The following PGM5 variants were observed in gnomAD, a reference collection of about 807,000 sequenced individuals.
PGM5 encodes phosphoglucomutase 5.
PGM5 carries 23 observed loss-of-function variants against 59.2 expected under a neutral mutation model. That is an observed-to-expected ratio of 0.39 (90% confidence interval 0.28 to 0.55). The LOEUF (loss-of-function observed/expected upper bound fraction) is 0.55. Among genes scored for constraint, PGM5 ranks in the 20% least tolerant of loss-of-function variants. The pLI is 0.66. For missense variants in PGM5, 574 were observed against 748.3 expected (o/e 0.77, Z 2.72); for synonymous variants, 214 against 286.0 (o/e 0.75, Z 2.54).
intron 9 of PGM5, among the ~76,000 whole-genome samples, chr9:68,485,780 T>G (rs181503034): frequency 6.6e-6 from 1 of 152,328 alleles, no homozygotes; most frequent in Admixed American, 6.5e-5. Flanking sequence ...TTTTTGTTCC[T>G]TTTCCCAGAT....
At position 68,499,310 on chromosome 9, in the gene PGM5, G is replaced by A; in HGVS notation, c.1563G>A (p.Leu521=). 1 of 1,614,158 alleles carries A rather than the reference G, an allele frequency of 6.2e-7. No individual in the cohort carries two copies. Among genetic ancestry groups the A allele is most frequent in the Non-Finnish European group, 8.5e-7 (1 of 1,180,020 alleles). The change falls in exon 10 of 11, where the codon CTG becomes CTA. Residue 521 remains leucine (L), a synonymous_variant. Coordinates refer to ENST00000396396, the MANE Select transcript of PGM5 (RefSeq NM_021965.4). ...GTGGTGTGCGGGCCACCCTCAGACT[G>A]TACGCAGAGAGCTACGAGAGGGATC... ...SSSGVRATLR[L]YAESYERDPS... is the part of the protein sequence containing the mutation.
intron 1 of PGM5, among the ~76,000 whole-genome samples, chr9:68,367,430 G>T (rs1454509343): frequency 6.6e-6 from 1 of 152,148 alleles, no homozygotes; most frequent in Non-Finnish European, 1.5e-5. Context: ...ACCAAGCAGG[G>T]GCTAAGAGAC....
At chr9:68,410,961 G>C (rs369343742) in intron 6 of PGM5, among the ~76,000 whole-genome samples, 9 of 152,322 alleles carry the variant, frequency 5.9e-5, no homozygotes, top group African/African-American at 2.2e-4. Context: ...CTTTGACCTT[G>C]ATGAGATTTC....
intron 1 of PGM5, among the ~76,000 whole-genome samples, chr9:68,376,198 C>T (rs1248901442): frequency 6.6e-6 from 1 of 152,180 alleles, no homozygotes; most frequent in East Asian, 1.9e-4. Flanking sequence ...AAAATGCAAT[C>T]AGGTCACTTC....
intron 7 of PGM5, among the ~76,000 whole-genome samples, chr9:68,470,856 T>C (rs1470463389): frequency 6.6e-6 from 1 of 152,220 alleles, no homozygotes; most frequent in Non-Finnish European, 1.5e-5. Flanking sequence ...GCTGAGTGCA[T>C]GTGTGCATTT....
intron 6 of PGM5, among the ~76,000 whole-genome samples, chr9:68,430,249 G>T (rs1038177824): frequency 1.3e-5 from 2 of 152,176 alleles, no homozygotes; most frequent in East Asian, 3.8e-4. Context: ...TCAGTCCAGC[G>T]TAGAGTGATT....
chr9:68,462,372 G>A (rs1823869286), intron 6 of PGM5, among the ~76,000 whole-genome samples: 1 of 152,140 alleles, frequency 6.6e-6, no homozygotes, highest in South Asian at 2.1e-4. Context: ...CTGTGTTTGG[G>A]ATGAATCCCA....
intron 6 of PGM5, among the ~76,000 whole-genome samples, chr9:68,404,025 C>T (rs1246010237): frequency 2.0e-5 from 3 of 152,170 alleles, no homozygotes; most frequent in Non-Finnish European, 1.5e-5. Context: ...AGATCATCAG[C>T]AGCAGCTGCA....
At position 68,387,582 on chromosome 9, in the gene PGM5, C is replaced by G. The variant is rs2132005772; in HGVS notation, c.691C>G (p.His231Asp). 6.2e-7 allele frequency: 1 copy of G among 1,611,826 alleles called. No homozygotes were observed. Among genetic ancestry groups the G allele is most frequent in the Non-Finnish European group, 8.5e-7 (1 of 1,178,418 alleles). ...ACTGAAGATTCGCATTGACGCAATG[C>G]ACGGAGGTAAGCTTGTGATTTTCTC... ...SQLKIRIDAMHGVMGPYVRKV... is the reference protein window; with the variant it reads ...SQLKIRIDAMDGVMGPYVRKV... Residue 231 changes from histidine (H) to aspartate (D), a missense_variant, in exon 4 of 11, where the codon CAC becomes GAC. Physicochemically the swap from His to Asp is moderately conservative, Grantham distance 81. This residue lies in a region of PGM5 where 103 missense variants were observed against 112.4 expected (regional missense o/e 0.92). Transcript: ENST00000396396.
intron 7 of PGM5, among the ~76,000 whole-genome samples, chr9:68,472,631 C>T (rs537349969): frequency 1.3e-5 from 2 of 152,320 alleles, no homozygotes; most frequent in Non-Finnish European, 2.9e-5. Flanking sequence ...GAATTATATG[C>T]ACTACATACT....
chr9:68,376,205 C>A (rs1352323645), intron 1 of PGM5, among the ~76,000 whole-genome samples: 1 of 152,178 alleles, frequency 6.6e-6, no homozygotes, highest in Non-Finnish European at 1.5e-5. Context: ...AATCAGGTCA[C>A]TTCCACTGTT....
intron 9 of PGM5, among the ~76,000 whole-genome samples, chr9:68,490,044 T>C (rs1400163516): frequency 1.3e-5 from 2 of 152,244 alleles, no homozygotes; most frequent in African/African-American, 4.8e-5. Flanking sequence ...TCTTTTAGCG[T>C]TGTTATTTTA....
intron 10 of PGM5, among the ~76,000 whole-genome samples, chr9:68,500,374 C>T (rs1824551315): frequency 6.6e-6 from 1 of 151,766 alleles, no homozygotes; most frequent in Admixed American, 6.6e-5. Context: ...ATAATGGGTG[C>T]TACAGATCCT....
At chr9:68,455,148 C>A (rs1441728542) in intron 6 of PGM5, among the ~76,000 whole-genome samples, 1 of 152,124 alleles carries the variant, frequency 6.6e-6, no homozygotes, top group South Asian at 2.1e-4. Flanking sequence ...CAGCAACCTG[C>A]GTCATCCATT....
chr9:68,387,965 A>G (rs1563989237), intron 4 of PGM5, among the ~76,000 whole-genome samples: 1 of 151,764 alleles, frequency 6.6e-6, no homozygotes, highest in Non-Finnish European at 1.5e-5. Context: ...AAATTTTTCC[A>G]TTTTTTCAGC....
chr9:68,409,496 C>G lies in PGM5; in HGVS notation c.1043+17023C>G, dbSNP rs782495448. Reference sequence around the variant, plus strand: ...AACCCAAATGTCCAACAATGATAGACTGGATTAAGAAAATGTGGCACATAT... The same window carrying G: ...AACCCAAATGTCCAACAATGATAGAGTGGATTAAGAAAATGTGGCACATAT... On this transcript the variant is annotated intron_variant, in intron 6 of 10. Coordinates refer to ENST00000396396, the MANE Select transcript of PGM5 (RefSeq NM_021965.4). 7.9e-3 allele frequency among the ~76,000 whole-genome samples: 1,028 copies of G among 130,770 alleles called. 4 individuals carry two copies. The highest frequency in any genetic ancestry group is 0.013 in the Non-Finnish European group (806 of 62,382). 85.8% of individuals were successfully genotyped at this position (130,770 alleles called of 152,430 possible).
intron 6 of PGM5, among the ~76,000 whole-genome samples, chr9:68,400,924 G>A (rs1163896532): frequency 1.3e-5 from 2 of 152,220 alleles, no homozygotes; most frequent in Non-Finnish European, 2.9e-5. Context: ...AATTGAATGA[G>A]GACTGGATTC....
At chr9:68,431,465 T>A (rs371362548) in intron 6 of PGM5, among the ~76,000 whole-genome samples, 1 of 152,196 alleles carries the variant, frequency 6.6e-6, no homozygotes, top group Non-Finnish European at 1.5e-5. Context: ...TAGTAATATT[T>A]TTTTGTAATA....
At chr9:68,428,748 A>G (rs1050978537) in intron 6 of PGM5, 2 of 152,242 alleles carry the variant, frequency 1.3e-5, no homozygotes, top group Admixed American at 6.5e-5. Flanking sequence ...TGGCAGACCC[A>G]GTTGTTCCTA....
Sources: allele counts gnomAD v4.1 joint callset (sites outside exome capture counted in the v4.1 genomes callset), GRCh38; gene constraint gnomAD v4.1.1; regional missense constraint gnomAD v4.1.1; transcripts MANE v1.5; gene names NCBI Gene and HGNC (gene_info 2026-07-23, HGNC 2026-07-21).